The following CDH2 variants were observed in gnomAD, a reference collection of about 807,000 sequenced individuals.
CDH2 encodes the protein cadherin-2.
CDH2 carries 17 observed loss-of-function variants against 92.0 expected under a neutral mutation model. The ratio of observed to expected loss-of-function variants is 0.18; its 90% CI spans 0.13 to 0.28. The LOEUF is 0.28. Ranked by LOEUF, CDH2 falls within the 10% of genes least tolerant of loss-of-function variation. CDH2 has a pLI of 1.00. For synonymous variants in CDH2, 419 were observed against 415.9 expected (o/e 1.01, Z -0.09); for missense variants, 862 against 1,133.1 (o/e 0.76, Z 3.44).
rs535448517 is a variant in CDH2, at chr18:28,144,552, T to C, written c.172+3121A>G. On this transcript the variant is annotated intron_variant, in intron 2 of 15. Transcript: ENST00000269141. ...TAGTAATTCTATTTTTGAACACAAA[T>C]TCCCCCAAAAAAATCCCTAAAGAAA... 1.0e-3 allele frequency among the ~76,000 whole-genome samples: 156 copies of C among 152,010 alleles called. 1 individual carries two copies. Among genetic ancestry groups the C allele is most frequent in the African/African-American group, 3.6e-3 (148 of 41,484 alleles).
intron 2 of CDH2, among the ~76,000 whole-genome samples, chr18:28,033,586 G>T (rs2013752280): frequency 6.6e-6 from 1 of 152,072 alleles, no homozygotes. Context: ...CAAAGGCTTA[G>T]AATTTCCCCA....
chr18:28,057,835 T>C (rs2014324074), intron 2 of CDH2, among the ~76,000 whole-genome samples: 1 of 152,212 alleles, frequency 6.6e-6, no homozygotes, highest in Non-Finnish European at 1.5e-5. Flanking sequence ...ATGAAGAACC[T>C]GAACAGTTGC....
chr18:28,137,770 A>G (rs1486602162), intron 2 of CDH2, among the ~76,000 whole-genome samples: 8 of 152,086 alleles, frequency 5.3e-5, no homozygotes, highest in Admixed American at 3.9e-4. Context: ...TTAGAAATAT[A>G]TAATTTTTAT....
intron 2 of CDH2, among the ~76,000 whole-genome samples, chr18:28,134,796 C>G (rs2015834169): frequency 1.3e-5 from 2 of 152,088 alleles, no homozygotes; most frequent in Non-Finnish European, 2.9e-5. Flanking sequence ...TCAGAGAAAC[C>G]AAGCAAAGTT....
intron 1 of CDH2, among the ~76,000 whole-genome samples, chr18:28,156,307 G>A (rs941015442): frequency 1.3e-5 from 2 of 152,184 alleles, no homozygotes; most frequent in African/African-American, 4.8e-5. Context: ...TGTTGAAACT[G>A]AACTCTTAGC....
chr18:28,040,460 AT>A (rs2013927188), intron 2 of CDH2, among the ~76,000 whole-genome samples: 1 of 152,154 alleles, frequency 6.6e-6, no homozygotes, highest in African/African-American at 2.4e-5. Context: ...GACAATGTTA[AT>A]TTTCTTAGGT....
At chr18:28,043,890 A>AGTTTT (rs2014013411) in intron 2 of CDH2, among the ~76,000 whole-genome samples, 35 of 91,468 alleles carry the variant, frequency 3.8e-4, no homozygotes, top group African/African-American at 1.2e-3. Context: ...AGAATCTCGG[A>AGTTTT]TTTTTTTTTT....
At chr18:28,023,198 A>G (rs915902410) in intron 2 of CDH2, among the ~76,000 whole-genome samples, 2 of 152,190 alleles carry the variant, frequency 1.3e-5, no homozygotes, top group African/African-American at 4.8e-5. Flanking sequence ...TTTTATGTAC[A>G]AGAGCTGCTA....
At chr18:27,985,846 C>T (rs1186915379) in intron 11 of CDH2, 85 bp from the exon 12 acceptor site, 3 of 783,762 alleles carry the variant, frequency 3.8e-6, no homozygotes, top group African/African-American at 3.5e-5. Flanking sequence ...AAGCTTCTAA[C>T]CTTCTGGCCC....
At chr18:28,074,866 G>C (rs1395005066) in intron 2 of CDH2, among the ~76,000 whole-genome samples, 5 of 151,778 alleles carry the variant, frequency 3.3e-5, no homozygotes, top group South Asian at 4.2e-4. Flanking sequence ...AAAAATAAGA[G>C]TATAAATTAG....
chr18:27,947,040 A>G (rs1455536779), downstream of CDH2, among the ~76,000 whole-genome samples: 1 of 151,876 alleles, frequency 6.6e-6, no homozygotes, highest in East Asian at 1.9e-4. Context: ...TAATAAAACA[A>G]TGCTTGTAAT....
chr18:28,149,127 T>C (rs2144330070), intron 1 of CDH2, among the ~76,000 whole-genome samples: 1 of 152,310 alleles, frequency 6.6e-6, no homozygotes, highest in South Asian at 2.1e-4. Flanking sequence ...ACAGTCACCT[T>C]GGCATATATT....
chr18:27,944,483 A>AT, intron 6 of CDH2, among the ~76,000 whole-genome samples: 1 of 152,292 alleles, frequency 6.6e-6, no homozygotes, highest in South Asian at 2.1e-4. Context: ...TGAATCTAAT[A>AT]TATCAAATAT....
intron 2 of CDH2, among the ~76,000 whole-genome samples, chr18:28,020,809 C>T (rs2013389111): frequency 6.6e-6 from 1 of 151,850 alleles, no homozygotes; most frequent in Non-Finnish European, 1.5e-5. Context: ...AAACTAGAAA[C>T]TTTAGTTAAT....
At chr18:27,935,978 A>G (rs540326915) in intron 6 of CDH2, among the ~76,000 whole-genome samples, 10 of 152,356 alleles carry the variant, frequency 6.6e-5, no homozygotes, top group East Asian at 1.9e-4. Context: ...GTGAATTGCT[A>G]TATTATTCTG....
At chr18:28,090,824 C>T (rs1292778594) in intron 2 of CDH2, among the ~76,000 whole-genome samples, 4 of 152,298 alleles carry the variant, frequency 2.6e-5, no homozygotes, top group African/African-American at 9.6e-5. Flanking sequence ...ATTTCTAATA[C>T]AACATGTATC....
At chr18:27,939,273 T>G (rs1463620683) in intron 6 of CDH2, among the ~76,000 whole-genome samples, 1 of 152,178 alleles carries the variant, frequency 6.6e-6, no homozygotes, top group East Asian at 1.9e-4. Context: ...CAATTTCAGA[T>G]AGCCTGGGGT....
chr18:27,990,777 T>C (rs1430175136), intron 9 of CDH2, among the ~76,000 whole-genome samples: 3 of 152,202 alleles, frequency 2.0e-5, no homozygotes, highest in Non-Finnish European at 2.9e-5. Flanking sequence ...CAGTCTATGA[T>C]GAATTGAAGA....
At chr18:28,172,077 GT>G (rs1283573711) in intron 1 of CDH2, among the ~76,000 whole-genome samples, 14 of 107,142 alleles carry the variant, frequency 1.3e-4, no homozygotes, top group African/African-American at 9.0e-4. Flanking sequence ...TACATTTGGG[GT>G]GTGTGTGTGT....
Sources: allele counts gnomAD v4.1 joint callset (sites outside exome capture counted in the v4.1 genomes callset), GRCh38; gene constraint gnomAD v4.1.1; transcripts MANE v1.5; gene names NCBI Gene and HGNC (gene_info 2026-07-23, HGNC 2026-07-21).